The following PPP2R2C variants were observed in gnomAD, a reference collection of about 807,000 sequenced individuals.
PPP2R2C encodes the protein protein phosphatase 2, regulatory subunit B, gamma.
Under a neutral mutation model 45.3 loss-of-function variants are expected in PPP2R2C, and 10 were observed. The ratio of observed to expected loss-of-function variants is 0.22; its 90% CI spans 0.14 to 0.37. The LOEUF (loss-of-function observed/expected upper bound fraction) is 0.37. Among genes scored for constraint, PPP2R2C ranks in the 10% least tolerant of loss-of-function variants. The pLI, the probability that PPP2R2C is intolerant of heterozygous loss-of-function variation, is 1.00. For missense variants in PPP2R2C, 308 were observed against 619.7 expected (o/e 0.50, Z 5.34); for synonymous variants, 257 against 245.4 (o/e 1.05, Z -0.44).
Position 6,377,449 on chromosome 4 carries a change from A to G in PPP2R2C, c.334+958T>C, listed in dbSNP as rs528954103. Among the ~76,000 whole-genome samples the G allele has an allele frequency of 1.1e-4, 17 of 152,164 alleles. 1 individual carries two copies. The East Asian group carries it at 3.3e-3, about 30-fold the overall frequency. On this transcript the variant is annotated intron_variant, in intron 3 of 8. Coordinates refer to ENST00000382599, the MANE Select transcript of PPP2R2C (RefSeq NM_020416.4). ...GGCAGGCGGATCACCCGAGGTCAGGAGTTCGAGATCAACCTGGCCAACATG... is the reference window on the plus strand; with the variant it reads ...GGCAGGCGGATCACCCGAGGTCAGGGGTTCGAGATCAACCTGGCCAACATG...
intron 1 of PPP2R2C, among the ~76,000 whole-genome samples, chr4:6,402,366 T>A (rs1047480851): frequency 8.5e-5 from 13 of 152,196 alleles, no homozygotes; most frequent in African/African-American, 3.1e-4. Context: ...GAAAGTATAA[T>A]GAGCTGCCAA....
Position 6,395,501 on chromosome 4 carries a change from C to T in PPP2R2C, c.71-14407G>A, listed in dbSNP as rs140029518. On this transcript the variant is annotated intron_variant, in intron 1 of 8. Coordinates refer to ENST00000382599, the MANE Select transcript of PPP2R2C (RefSeq NM_020416.4). ...TTCCTCCCTCCTTGTGGAGAGGCTC[C>T]GTGTCTCGGTCTCTGGAGGACAGTC... Among the ~76,000 whole-genome samples, 188 of 152,316 alleles carry T rather than the reference C, an allele frequency of 1.2e-3. 1 individual carries two copies. The highest frequency in any genetic ancestry group is 4.2e-3 in the African/African-American group (176 of 41,558).
At chr4:6,387,447 T>A (rs1330478944) in intron 1 of PPP2R2C, among the ~76,000 whole-genome samples, 1 of 152,184 alleles carries the variant, frequency 6.6e-6, no homozygotes, top group Admixed American at 6.5e-5. Flanking sequence ...GAAGACTCTT[T>A]TAATGTGCCG....
chr4:6,473,908 T>C (rs1054885515), upstream of PPP2R2C, among the ~76,000 whole-genome samples: 5 of 152,072 alleles, frequency 3.3e-5, no homozygotes, highest in South Asian at 1.0e-3. Flanking sequence ...CCACCAGCAC[T>C]CTGCAGGCTG....
intron 1 of PPP2R2C, among the ~76,000 whole-genome samples, chr4:6,537,158 G>A (rs996862712): frequency 2.6e-5 from 4 of 152,016 alleles, no homozygotes; most frequent in Non-Finnish European, 4.4e-5. Context: ...AGCCGAGATC[G>A]CTGCAGTGCA....
At chr4:6,545,187 A>C (rs960621775) in intron 1 of PPP2R2C, among the ~76,000 whole-genome samples, 1 of 152,254 alleles carries the variant, frequency 6.6e-6, no homozygotes, top group African/African-American at 2.4e-5. Context: ...AAGCTCACAT[A>C]GTTTTTAGGG....
intron 1 of PPP2R2C, among the ~76,000 whole-genome samples, chr4:6,387,608 C>T (rs529242220): frequency 5.9e-5 from 9 of 152,128 alleles, no homozygotes; most frequent in African/African-American, 1.9e-4. Context: ...CTCAGGAGAT[C>T]GAGACCAGCC....
chr4:6,433,916 T>A (rs1042108587), intron 1 of PPP2R2C, among the ~76,000 whole-genome samples: 9 of 152,178 alleles, frequency 5.9e-5, no homozygotes, highest in African/African-American at 1.9e-4. Flanking sequence ...CAGCCTTTGG[T>A]TAAGAAATGA....
chr4:6,528,879 T>C (rs1164747328), intron 2 of PPP2R2C, among the ~76,000 whole-genome samples: 1 of 152,114 alleles, frequency 6.6e-6, no homozygotes, highest in Non-Finnish European at 1.5e-5. Context: ...CCTACCCAAA[T>C]CTTATAAAAC....
Position 6,333,761 on chromosome 4 carries a change from C to G in PPP2R2C, c.791-30G>C, listed in dbSNP as rs1272946780. ...GGAGACAGAGAAGCAATGGCCGTCA[C>G]TGCGCTGCTCCCGCCCATGGGGTTG... On this transcript the variant is annotated intron_variant, in intron 6 of 8. Transcript: ENST00000382599. 7 of 1,612,582 alleles carry G rather than the reference C, an allele frequency of 4.3e-6. No homozygotes were observed. The African/African-American group carries it at 8.0e-5, about 18-fold the overall frequency.
At chr4:6,380,644 G>A (rs866882383) in intron 2 of PPP2R2C, among the ~76,000 whole-genome samples, 1 of 152,162 alleles carries the variant, frequency 6.6e-6, no homozygotes, top group South Asian at 2.1e-4. Context: ...GACAGAGCAT[G>A]GGATGCAGGC....
chr4:6,376,564 C>T (rs540061942), intron 3 of PPP2R2C, among the ~76,000 whole-genome samples: 1 of 152,096 alleles, frequency 6.6e-6, no homozygotes, highest in African/African-American at 2.4e-5. Context: ...GATGATCCTT[C>T]AATCTCAGCC....
intron 1 of PPP2R2C, among the ~76,000 whole-genome samples, chr4:6,432,447 G>A (rs1025151902): frequency 4.6e-5 from 7 of 152,186 alleles, no homozygotes; most frequent in African/African-American, 1.4e-4. Context: ...AGCGCCTGCT[G>A]CCTCGTTTCC....
At chr4:6,559,802 TGATCTTGGA>T in intron 1 of PPP2R2C, among the ~76,000 whole-genome samples, 1 of 152,224 alleles carries the variant, frequency 6.6e-6, no homozygotes, top group East Asian at 1.9e-4. Context: ...CGCCACGCCT[TGATCTTGGA>T]CTTCCAGCCT....
At chr4:6,445,818 T>C (rs559403885) in intron 1 of PPP2R2C, among the ~76,000 whole-genome samples, 2 of 113,840 alleles carry the variant, frequency 1.8e-5, no homozygotes, top group African/African-American at 3.5e-5. Flanking sequence ...GCTCTAAATG[T>C]CTCACACCAA....
rs16838965 is a variant in PPP2R2C at position 6,549,748 on chromosome 4, T to C, written c.-59+13812A>G. Among the ~76,000 whole-genome samples the C allele has an allele frequency of 8.8e-3, 1,334 of 152,258 alleles. 27 individuals carry two copies. Among genetic ancestry groups the C allele is most frequent in the African/African-American group, 0.03 (1,262 of 41,552 alleles). ...CAGTAGCTGGAGCCCACGGATGAGC[T>C]TTAAGGTATGAGCTACTTTCCCACG... is the stretch of plus-strand genomic sequence containing the variant. On this transcript the variant is annotated intron_variant, in intron 1 of 9. Coordinates refer to the PPP2R2C transcript ENST00000506140.
intron 1 of PPP2R2C, among the ~76,000 whole-genome samples, chr4:6,389,855 G>A (rs1158726059): frequency 6.6e-6 from 1 of 152,200 alleles, no homozygotes; most frequent in African/African-American, 2.4e-5. Flanking sequence ...GTAAGGGCAG[G>A]GGAGAGATTG....
chr4:6,435,721 T>A (rs1719859302), intron 1 of PPP2R2C, among the ~76,000 whole-genome samples: 1 of 152,206 alleles, frequency 6.6e-6, no homozygotes, highest in South Asian at 2.1e-4. Context: ...TTTACTTCTT[T>A]CTTGTTAAGA....
intron 4 of PPP2R2C, among the ~76,000 whole-genome samples, chr4:6,373,112 T>C (rs971982105): frequency 6.6e-6 from 1 of 152,190 alleles, no homozygotes; most frequent in African/African-American, 2.4e-5. Context: ...CATGGCCACA[T>C]GACTAGTTCT....
Sources: allele counts gnomAD v4.1 joint callset (sites outside exome capture counted in the v4.1 genomes callset), GRCh38; gene constraint gnomAD v4.1.1; transcripts MANE v1.5; gene names NCBI Gene and HGNC (gene_info 2026-07-23, HGNC 2026-07-21).